YEATS4: variants seen among roughly 807,000 people sequenced by gnomAD.
YEATS4 encodes the protein YEATS domain-containing protein 4.
A neutral mutation model predicts 30.1 loss-of-function variants in YEATS4; 17 were observed. That is an observed-to-expected ratio of 0.56 (90% CI 0.39 to 0.85). The LOEUF (loss-of-function observed/expected upper bound fraction) is 0.85, where lower values mean the gene tolerates loss of function less well. Among genes scored for constraint, YEATS4 ranks in the 40% least tolerant of loss-of-function variants. The probability of loss-of-function intolerance (pLI) is 0.00; values close to 1 mark genes in which losing one functional copy is unlikely to be tolerated. For missense variants in YEATS4, 142 were observed against 268.3 expected, an observed-to-expected ratio of 0.53 and a Z score of 3.29; for synonymous variants, 85 against 87.5, an observed-to-expected ratio of 0.97 and a Z score of 0.16.
chr12:69,411,008 T>C, the YEATS4 span, among the ~76,000 whole-genome samples: 1 of 152,216 alleles, frequency 6.6e-6, no homozygotes, highest in Non-Finnish European at 1.5e-5. Flanking sequence ...TATTAAACCA[T>C]AGTAACTATA....
At chr12:69,360,905 T>G (rs901867587) in intron 1 of YEATS4, among the ~76,000 whole-genome samples, 1 of 151,580 alleles carries the variant, frequency 6.6e-6, no homozygotes, top group African/African-American at 2.4e-5. Flanking sequence ...GCCTTAAAAA[T>G]TAACGTGCAG....
intron 1 of YEATS4, among the ~76,000 whole-genome samples, chr12:69,362,017 T>TTGTTTTTTTTGG (rs374178277): frequency 7.6e-6 from 1 of 131,530 alleles, no homozygotes; most frequent in South Asian, 2.4e-4. Flanking sequence ...TTGGTTGTTT[T>TTGTTTTTTTTGG]TTTTTTTTTT....
chr12:69,383,523 C>G (rs1355447995), intron 6 of YEATS4, among the ~76,000 whole-genome samples: 2 of 152,038 alleles, frequency 1.3e-5, no homozygotes, highest in Non-Finnish European at 2.9e-5. Context: ...AGATAACCAG[C>G]AAAGGGAATG....
At chr12:69,363,600 TG>T (rs1213173037) in intron 2 of YEATS4, among the ~76,000 whole-genome samples, 23 of 152,334 alleles carry the variant, frequency 1.5e-4, no homozygotes, top group African/African-American at 5.5e-4. Flanking sequence ...AGCTCTGCTG[TG>T]TCATCTGATT....
chr12:69,370,637 A>T lies in YEATS4; in HGVS notation c.334-69A>T, dbSNP rs987158950. 7.9e-6 allele frequency: 10 copies of T among 1,270,908 alleles called. No individual in the cohort carries two copies. In the African/African-American group the frequency reaches 1.4e-4, roughly 17 times the overall value. The allele number at this position is 1,270,908 out of a possible 1,614,324, so 78.7% of individuals were successfully genotyped here. A position where few individuals can be genotyped will look rare whatever the true frequency, so the allele number is the denominator to read the frequency against. ...ACTTATTCCAGTCTCTATTTCAGTT[A>T]AAAAAATGCCAGTATCTTATGATGA... On this transcript the variant is annotated intron_variant, in intron 4 of 6. Transcript: ENST00000247843.
chr12:69,372,477 C>T (rs543765362), intron 6 of YEATS4, among the ~76,000 whole-genome samples: 1 of 140,680 alleles, frequency 7.1e-6, no homozygotes, highest in South Asian at 2.4e-4. Flanking sequence ...TACCCACCTA[C>T]CCACTACCCT....
Position 69,365,833 on chromosome 12 carries a change from T to C in YEATS4, c.282T>C (p.Gly94=), listed in dbSNP as rs1043135619. 1 of 1,610,766 alleles carries C rather than the reference T, an allele frequency of 6.2e-7. No individual in the cohort carries two copies. The highest frequency in any genetic ancestry group is 1.3e-5 in the African/African-American group (1 of 74,736). The part of the protein sequence containing the change: ...PPYEITETGW[G]EFEIIIKIFF... ...ATGAAATTACTGAAACAGGATGGGG[T>C]GAATTCGAAATAATCATCAAAATAT... Residue 94 remains glycine, a synonymous_variant, in exon 4 of 7, where the codon GGT becomes GGC. Coordinates refer to ENST00000247843, the MANE Select transcript of YEATS4 (RefSeq NM_006530.4).
chr12:69,410,962 G>C, the YEATS4 span, among the ~76,000 whole-genome samples: 4 of 152,264 alleles, frequency 2.6e-5, no homozygotes, highest in Admixed American at 6.5e-5. Context: ...ACTGCAACTG[G>C]AAACGTCTGC....
intron 6 of YEATS4, among the ~76,000 whole-genome samples, chr12:69,375,055 C>A (rs1217606655): frequency 6.6e-6 from 1 of 151,350 alleles, no homozygotes; most frequent in African/African-American, 2.4e-5. Flanking sequence ...GGCTGCCCCC[C>A]ACCTCCCGGA....
At chr12:69,373,499 T>A (rs1209519237) in intron 6 of YEATS4, among the ~76,000 whole-genome samples, 1 of 152,244 alleles carries the variant, frequency 6.6e-6, no homozygotes, top group Non-Finnish European at 1.5e-5. Flanking sequence ...TAAGGAGTTG[T>A]TCGAGCTCCT....
At chr12:69,364,910 G>T (rs113559737) in intron 2 of YEATS4, among the ~76,000 whole-genome samples, 2 of 151,990 alleles carry the variant, frequency 1.3e-5, no homozygotes, top group African/African-American at 4.8e-5. Context: ...GTGAGCCACC[G>T]TGCCCGGCGT....
At chr12:69,388,100 C>G (rs2121071052) in intron 6 of YEATS4, among the ~76,000 whole-genome samples, 1 of 151,044 alleles carries the variant, frequency 6.6e-6, no homozygotes, top group African/African-American at 2.4e-5. Flanking sequence ...CGCTGTCGCC[C>G]AGGCTGGATG....
At chr12:69,403,020 G>C in the YEATS4 span, among the ~76,000 whole-genome samples, 1 of 152,024 alleles carries the variant, frequency 6.6e-6, no homozygotes, top group South Asian at 2.1e-4. Context: ...ACCACGCCCG[G>C]CTTGCTATTT....
At chr12:69,370,236 T>C (rs1406796796) in intron 4 of YEATS4, among the ~76,000 whole-genome samples, 2 of 152,176 alleles carry the variant, frequency 1.3e-5, no homozygotes, top group Non-Finnish European at 2.9e-5. Context: ...TGACCAACTT[T>C]TTATTTATTT....
chr12:69,412,255 G>A, the YEATS4 span, among the ~76,000 whole-genome samples: 1 of 152,190 alleles, frequency 6.6e-6, no homozygotes, highest in Non-Finnish European at 1.5e-5. Flanking sequence ...GACATGGATG[G>A]AAGGTTCCCT....
chr12:69,419,215 C>CT, the YEATS4 span, among the ~76,000 whole-genome samples: 693 of 116,566 alleles, frequency 5.9e-3, 9 homozygotes, highest in African/African-American at 0.014. Flanking sequence ...TCCTATTTTA[C>CT]TTTTTTTTTT....
At chr12:69,418,242 C>G in the YEATS4 span, among the ~76,000 whole-genome samples, 1 of 152,104 alleles carries the variant, frequency 6.6e-6, no homozygotes, top group African/African-American at 2.4e-5. Context: ...GCATTATTTA[C>G]TAGCCAGCCT....
chr12:69,420,504 T>C, the YEATS4 span, among the ~76,000 whole-genome samples: 5 of 151,928 alleles, frequency 3.3e-5, no homozygotes, highest in African/African-American at 1.2e-4. Flanking sequence ...CATCAGATCA[T>C]TGGAGATGTG....
the YEATS4 span, among the ~76,000 whole-genome samples, chr12:69,424,852 A>T: frequency 1.3e-5 from 2 of 152,136 alleles, no homozygotes; most frequent in African/African-American, 4.8e-5. Context: ...AGTCTCAGGT[A>T]TTTCTTTATT....
Sources: gnomAD v4.1 joint callset for allele counts (sites outside exome capture counted in the v4.1 genomes callset) on GRCh38, gnomAD v4.1.1 for gene constraint, MANE v1.5 for transcripts, NCBI Gene and HGNC (gene_info 2026-07-23, HGNC 2026-07-21) for gene names.